The following SEPTIN9 variants were observed in gnomAD, a reference collection of about 807,000 sequenced individuals.
SEPTIN9 encodes septin 9, also known as septin-9.
SEPTIN9 carries 13 observed loss-of-function variants against 56.6 expected under a neutral mutation model. The observed-to-expected ratio is 0.23, with a 90% CI of 0.15 to 0.37. SEPTIN9 has a LOEUF of 0.37. SEPTIN9 is among the 10% of genes least tolerant of loss of function. The pLI is 1.00. For synonymous variants in SEPTIN9, 332 were observed against 334.1 expected (o/e 0.99, Z 0.07); for missense variants, 650 against 823.1 (o/e 0.79, Z 2.57).
At chr17:77,378,936 G>T (rs1003311100) in intron 2 of SEPTIN9, among the ~76,000 whole-genome samples, 1 of 151,848 alleles carries the variant, frequency 6.6e-6, no homozygotes, top group Non-Finnish European at 1.5e-5. Context: ...CTGGATGACC[G>T]GACCATGAGG....
Position 77,445,207 on chromosome 17 carries a change from G to A in SEPTIN9, c.722-36937G>A, listed in dbSNP as rs1413841416. 6 of 470,988 alleles carry A rather than the reference G, an allele frequency of 1.3e-5. No individual in the cohort carries two copies. The highest frequency in any genetic ancestry group is 2.6e-5 in the Non-Finnish European group (6 of 227,058). 29.2% of individuals were successfully genotyped at this position (470,988 alleles called of 1,614,324 possible). A position where few individuals can be genotyped will look rare whatever the true frequency, so the allele number is the denominator to read the frequency against. ...TCAAGGTTGGTCTGTGGGTAGAAAT[G>A]TGGGCTGCCTCGGGGCGTCACAGCT... On this transcript the variant is annotated intron_variant, in intron 3 of 11. Coordinates refer to ENST00000427177, the MANE Select transcript of SEPTIN9 (RefSeq NM_001113491.2). The surrounding 1 kb of genome is among the most constrained non-coding windows in gnomAD (Gnocchi z 4.7).
Position 77,475,283 on chromosome 17 carries a change from G to A in SEPTIN9, c.722-6861G>A. On this transcript the variant is annotated intron_variant, in intron 3 of 11. Transcript: ENST00000427177. The surrounding 1 kb of genome is among the most constrained non-coding windows in gnomAD (Gnocchi z 4.6). ...GAGACTGTCTGGACGCAGAGAGCAG[G>A]CTCTGTGTGGGAGCGGGGAGGGCAA... The A allele has an allele frequency of 7.1e-7, 1 of 1,411,336 alleles. No individual in the cohort carries two copies. The highest frequency in any genetic ancestry group is 9.2e-7 in the Non-Finnish European group (1 of 1,086,502). 87.4% of individuals were successfully genotyped at this position (1,411,336 alleles called of 1,614,324 possible).
chr17:77,399,944 T>A (rs2035847804), intron 2 of SEPTIN9, among the ~76,000 whole-genome samples: 1 of 151,972 alleles, frequency 6.6e-6, no homozygotes, highest in South Asian at 2.1e-4. Flanking sequence ...AGCCTGTGGA[T>A]TTGATTTTGT....
intron 2 of SEPTIN9, among the ~76,000 whole-genome samples, chr17:77,395,749 A>G (rs572681488): frequency 6.6e-6 from 1 of 152,304 alleles, no homozygotes; most frequent in East Asian, 1.9e-4. Context: ...CTTTGTATAC[A>G]TCTTGTGTCC....
At chr17:77,398,514 G>A (rs902994208) in intron 2 of SEPTIN9, among the ~76,000 whole-genome samples, 1 of 152,114 alleles carries the variant, frequency 6.6e-6, no homozygotes, top group Non-Finnish European at 1.5e-5. Flanking sequence ...GGAGGAGGCG[G>A]TGGCATGCTC....
intron 3 of SEPTIN9, among the ~76,000 whole-genome samples, chr17:77,416,737 C>T (rs963091908): frequency 6.6e-6 from 1 of 152,174 alleles, no homozygotes; most frequent in African/African-American, 2.4e-5. Context: ...GCAGGTTGTC[C>T]ACCCTCGCCC....
At position 77,490,751 on chromosome 17, in the gene SEPTIN9, C is replaced by T. The variant is rs1242669647; in HGVS notation, c.1272C>T (p.Pro424=). ...FIPATGHSLR[P]LDIEFMKRLS... ...CATCCCTCTGCTTCAGCCTCAGGCC[C>T]CTGGACATCGAGTTTATGAAACGCC... Residue 424 remains proline (P), a synonymous_variant, in exon 8 of 12, where the codon CCC becomes CCT. Coordinates refer to ENST00000427177, the MANE Select transcript of SEPTIN9 (RefSeq NM_001113491.2). 1 of 1,572,626 alleles carries T rather than the reference C, an allele frequency of 6.4e-7. No homozygotes were observed. Among genetic ancestry groups the T allele is most frequent in the Admixed American group, 1.9e-5 (1 of 54,050 alleles).
chr17:77,374,038 G>A (rs1277551669), intron 2 of SEPTIN9: 2 of 154,258 alleles, frequency 1.3e-5, no homozygotes, highest in Non-Finnish European at 2.9e-5. Context: ...GGACAGCCGC[G>A]TCCTGCTCGG....
chr17:77,478,044 T>A (rs1344949207), intron 3 of SEPTIN9, among the ~76,000 whole-genome samples: 1 of 151,804 alleles, frequency 6.6e-6, no homozygotes, highest in African/African-American at 2.4e-5. Context: ...CCGCATATCA[T>A]ACAAGCAGGA....
At chr17:77,356,988 C>T (rs546599058) in intron 2 of SEPTIN9, among the ~76,000 whole-genome samples, 1 of 151,744 alleles carries the variant, frequency 6.6e-6, no homozygotes, top group Non-Finnish European at 1.5e-5. Context: ...TAGAACACAG[C>T]TGAGGAAGCT....
chr17:77,397,871 G>A lies in SEPTIN9; in HGVS notation c.77-4188G>A, dbSNP rs973206689. On this transcript the variant is annotated intron_variant, in intron 2 of 11. Transcript: ENST00000427177. ...TTACCATGTTGGCCAGGCTGGTTTCGAACTCCTGACCTCAGGTGATCCGCC... is the reference window on the plus strand; with the variant it reads ...TTACCATGTTGGCCAGGCTGGTTTCAAACTCCTGACCTCAGGTGATCCGCC... Among the ~76,000 whole-genome samples the A allele has an allele frequency of 4.1e-4, 62 of 152,104 alleles. 1 individual carries two copies. The highest frequency in any genetic ancestry group is 1.0e-4 in the Non-Finnish European group (7 of 68,028).
At chr17:77,465,808 G>A (rs111883681) in intron 3 of SEPTIN9, among the ~76,000 whole-genome samples, 3 of 152,214 alleles carry the variant, frequency 2.0e-5, no homozygotes, top group African/African-American at 4.8e-5. Context: ...TAGTTGCAGC[G>A]TGAGAGAGGA....
rs79759335 is a variant in SEPTIN9 at position 77,363,193 on chromosome 17, C to T, written c.77-38866C>T. Among the ~76,000 whole-genome samples, 1,949 of 152,186 alleles carry T rather than the reference C, an allele frequency of 0.013. 118 individuals carry two copies. The East Asian group carries it at 0.19, about 15-fold the overall frequency. ...CAGCCGGGAGTCCAGCTTGGGGGGACCCAAGACCCTGGGGAAGGCACGAGT... is the reference window on the plus strand; with the variant it reads ...CAGCCGGGAGTCCAGCTTGGGGGGATCCAAGACCCTGGGGAAGGCACGAGT... On this transcript the variant is annotated intron_variant, in intron 2 of 11. Coordinates refer to ENST00000427177, the MANE Select transcript of SEPTIN9 (RefSeq NM_001113491.2).
At chr17:77,394,614 G>A (rs2035645170) in intron 2 of SEPTIN9, among the ~76,000 whole-genome samples, 1 of 152,182 alleles carries the variant, frequency 6.6e-6, no homozygotes, top group Admixed American at 6.5e-5. Flanking sequence ...TCTGACCTTG[G>A]GCTCTACCAT....
Position 77,369,987 on chromosome 17 carries a change from C to G in SEPTIN9, c.77-32072C>G, listed in dbSNP as rs2034672327. Among the ~76,000 whole-genome samples, 2 of 152,232 alleles carry G rather than the reference C, an allele frequency of 1.3e-5. No homozygotes were observed. The highest frequency in any genetic ancestry group is 4.8e-5 in the African/African-American group (2 of 41,456). On this transcript the variant is annotated intron_variant, in intron 2 of 11. Transcript: ENST00000427177. This position sits in a 1 kb window ranked among gnomAD's most constrained non-coding sequence, Gnocchi z 4.9. ...AGGCGTGCAGGGGTTTCCTATGGCT[C>G]TCTTCCCTGTCCCCATCCCCCTTCC...
chr17:77,360,591 G>A (rs930550772), intron 2 of SEPTIN9, among the ~76,000 whole-genome samples: 4 of 150,818 alleles, frequency 2.7e-5, no homozygotes, highest in Non-Finnish European at 5.9e-5. Flanking sequence ...TTGAGACGGA[G>A]TCTCGCTCTG....
chr17:77,312,089 G>C (rs527535406), intron 2 of SEPTIN9, among the ~76,000 whole-genome samples: 1 of 152,244 alleles, frequency 6.6e-6, no homozygotes, highest in African/African-American at 2.4e-5. Flanking sequence ...TGGACAGGCT[G>C]CCCCGGTCAC....
intron 2 of SEPTIN9, among the ~76,000 whole-genome samples, chr17:77,394,822 T>C (rs387774): frequency 0.36 from 54,464 of 152,070 alleles, 12,816 homozygotes; most frequent in African/African-American, 0.66. Flanking sequence ...CCTCTCTAAA[T>C]AGGCCCAGGT....
At chr17:77,281,896 T>A (rs8074552) in intron 1 of SEPTIN9, 14,832 of 351,682 alleles carry the variant, frequency 0.042, 578 homozygotes, top group African/African-American at 0.12. Flanking sequence ...GTGAATGGGG[T>A]CGGGGCTAGG....
Sources: gnomAD v4.1 joint callset for allele counts (sites outside exome capture counted in the v4.1 genomes callset) on GRCh38, gnomAD v4.1.1 for gene constraint, Gnocchi (gnomAD v3.1) non-coding constraint, MANE v1.5 for transcripts, NCBI Gene and HGNC (gene_info 2026-07-23, HGNC 2026-07-21) for gene names.